SGCZ: variants seen among roughly 807,000 people sequenced by gnomAD.
SGCZ encodes the protein sarcoglycan zeta, also known as zeta-sarcoglycan.
In SGCZ, 40 loss-of-function variants were observed where a neutral mutation model predicts 41.3. The ratio of observed to expected loss-of-function variants is 0.97; its 90% CI spans 0.75 to 1.26. SGCZ has a LOEUF of 1.26. Among genes scored for constraint, SGCZ ranks in the 50% most tolerant of loss-of-function variants. The pLI is 0.00. For synonymous variants in SGCZ, 206 were observed against 137.5 expected, an observed-to-expected ratio of 1.50 and a Z score of -3.49; for missense variants, 552 against 369.8, an observed-to-expected ratio of 1.49 and a Z score of -4.04.
intron 2 of SGCZ, among the ~76,000 whole-genome samples, chr8:14,522,573 T>G (rs1333956348): frequency 6.6e-6 from 1 of 151,908 alleles, no homozygotes; most frequent in African/African-American, 2.4e-5. Context: ...GTGATATCAT[T>G]TCATTCCTTA....
rs570543994 is a variant in SGCZ, at chr8:14,138,436, G to T, written c.547+26144C>A. Among the ~76,000 whole-genome samples, 54 of 151,284 alleles carry T rather than the reference G, an allele frequency of 3.6e-4. 1 individual carries two copies. The highest frequency in any genetic ancestry group is 1.2e-3 in the African/African-American group (50 of 41,210). ...ACCCATCAGTGTGCTGTATTCAGGA[G>T]ATCCATCTCACGTGCAGAGACACAC... On this transcript the variant is annotated intron_variant, in intron 5 of 7. Transcript: ENST00000382080.
chr8:14,334,992 G>C (rs568467423), intron 2 of SGCZ, among the ~76,000 whole-genome samples: 1 of 152,100 alleles, frequency 6.6e-6, no homozygotes, highest in African/African-American at 2.4e-5. Flanking sequence ...ATATCCTTCT[G>C]AGCTGGGACT....
At chr8:14,865,635 C>G (rs1803905956) in intron 1 of SGCZ, among the ~76,000 whole-genome samples, 1 of 152,080 alleles carries the variant, frequency 6.6e-6, no homozygotes, top group African/African-American at 2.4e-5. Flanking sequence ...GGGATGTGCG[C>G]TCACTTCAAT....
At chr8:14,851,458 A>T (rs909424155) in intron 1 of SGCZ, among the ~76,000 whole-genome samples, 4 of 152,108 alleles carry the variant, frequency 2.6e-5, no homozygotes, top group African/African-American at 9.6e-5. Context: ...AAAAGAAATT[A>T]ATACACTGAT....
chr8:14,516,898 CA>C (rs1802638269), intron 2 of SGCZ, among the ~76,000 whole-genome samples: 1 of 151,780 alleles, frequency 6.6e-6, no homozygotes, highest in African/African-American at 2.4e-5. Context: ...AAGCTGACAC[CA>C]AGAGTATATG....
intron 4 of SGCZ, among the ~76,000 whole-genome samples, chr8:14,229,739 A>G (rs1479102426): frequency 2.0e-5 from 3 of 152,122 alleles, no homozygotes; most frequent in African/African-American, 4.8e-5. Flanking sequence ...ATCCTATACC[A>G]TCTGCAGTCA....
intron 3 of SGCZ, among the ~76,000 whole-genome samples, chr8:14,323,383 T>G (rs1801994147): frequency 6.6e-6 from 1 of 151,992 alleles, no homozygotes; most frequent in Non-Finnish European, 1.5e-5. Flanking sequence ...CCATTACTTC[T>G]CTCTTAATAA....
intron 3 of SGCZ, among the ~76,000 whole-genome samples, chr8:14,321,402 G>A (rs1007054463): frequency 6.6e-6 from 1 of 151,994 alleles, no homozygotes; most frequent in African/African-American, 2.4e-5. Flanking sequence ...GAGGGTGAGA[G>A]GAGCTTGTAA....
intron 2 of SGCZ, among the ~76,000 whole-genome samples, chr8:14,478,253 C>G (rs565681394): frequency 6.6e-6 from 1 of 152,216 alleles, no homozygotes; most frequent in African/African-American, 2.4e-5. Flanking sequence ...ATGTTTATAG[C>G]AGCTTTATTT....
intron 1 of SGCZ, among the ~76,000 whole-genome samples, chr8:15,105,004 A>G (rs1806768106): frequency 6.6e-6 from 1 of 152,232 alleles, no homozygotes; most frequent in Non-Finnish European, 1.5e-5. Context: ...TTATGCCTCA[A>G]CAATATGTAA....
intron 1 of SGCZ, among the ~76,000 whole-genome samples, chr8:15,074,288 G>A (rs1307378941): frequency 6.6e-6 from 1 of 151,976 alleles, no homozygotes; most frequent in Non-Finnish European, 1.5e-5. Flanking sequence ...CTGGCTCTCC[G>A]AAAAAAAGTC....
In SGCZ at chr8:15,238,036, G is replaced by A. The variant is rs942105349; in HGVS notation, c.-413C>T. 1 of 165,792 alleles carries A rather than the reference G, an allele frequency of 6.0e-6. No individual in the cohort carries two copies. The highest frequency in any genetic ancestry group is 1.3e-5 in the Non-Finnish European group (1 of 76,160). 10.3% of individuals were successfully genotyped at this position (165,792 alleles called of 1,614,324 possible). A position where few individuals can be genotyped will look rare whatever the true frequency, so the allele number is the denominator to read the frequency against. On this transcript the variant is annotated 5_prime_UTR_variant, in exon 1 of 8. Transcript: ENST00000382080. ...GTCAGCATCATGCGGCAAATTTCAA[G>A]CAAATGTGTTCAAACTGAAGAGAAG...
intron 2 of SGCZ, among the ~76,000 whole-genome samples, chr8:14,522,024 C>T (rs781454753): frequency 1.9e-4 from 29 of 152,030 alleles, no homozygotes; most frequent in Non-Finnish European, 4.3e-4. Context: ...CAAATATGAT[C>T]AAGCGATATT....
intron 2 of SGCZ, among the ~76,000 whole-genome samples, chr8:14,500,560 C>A (rs7829560): frequency 0.49 from 74,318 of 151,580 alleles, 18,319 homozygotes; most frequent in Admixed American, 0.55. Context: ...AAAAGTCAAC[C>A]GTGAGTTTTC....
intron 1 of SGCZ, among the ~76,000 whole-genome samples, chr8:14,715,424 A>G (rs1320328890): frequency 6.6e-6 from 1 of 152,126 alleles, no homozygotes. Flanking sequence ...GTAAATTCAC[A>G]AAGGTATCTG....
Position 14,306,740 on chromosome 8 carries a change from C to T in SGCZ, c.336+17363G>A, listed in dbSNP as rs530370378. Among the ~76,000 whole-genome samples the T allele has an allele frequency of 3.9e-5, 6 of 152,134 alleles. No individual in the cohort carries two copies. In the East Asian group the frequency reaches 5.8e-4, roughly 15 times the overall value. On this transcript the variant is annotated intron_variant, in intron 3 of 7. Coordinates refer to ENST00000382080, the MANE Select transcript of SGCZ (RefSeq NM_139167.4). ...TGCATGCATTTGCATTATTTGTGGT[C>T]AATTTCTGTTGTCCTCCTCCCTGAT...
intron 1 of SGCZ, among the ~76,000 whole-genome samples, chr8:15,158,266 C>T (rs569048378): frequency 2.6e-5 from 4 of 152,174 alleles, no homozygotes; most frequent in Non-Finnish European, 4.4e-5. Context: ...GTTTATCCTC[C>T]GTTATCCATT....
chr8:14,411,986 T>C (rs1450403728), intron 2 of SGCZ, among the ~76,000 whole-genome samples: 1 of 152,100 alleles, frequency 6.6e-6, no homozygotes, highest in Non-Finnish European at 1.5e-5. Flanking sequence ...AAAAATACAC[T>C]GCTCTCTTCT....
intron 1 of SGCZ, among the ~76,000 whole-genome samples, chr8:14,609,411 T>G (rs1434360005): frequency 6.6e-6 from 1 of 152,136 alleles, no homozygotes; most frequent in Non-Finnish European, 1.5e-5. Flanking sequence ...TAAGTCACTT[T>G]GAGATTCTTG....
Sources: gnomAD v4.1 joint callset for allele counts (sites outside exome capture counted in the v4.1 genomes callset) on GRCh38, gnomAD v4.1.1 for gene constraint, MANE v1.5 for transcripts, NCBI Gene and HGNC (gene_info 2026-07-23, HGNC 2026-07-21) for gene names.